Variants in PRKN observed in about 807,000 individuals in gnomAD.
PRKN encodes the protein parkin RBR E3 ubiquitin protein ligase, also known as E3 ubiquitin-protein ligase parkin.
In PRKN, 56 loss-of-function variants were observed where a neutral mutation model predicts 59.5. That is an observed-to-expected ratio of 0.94 (90% CI 0.76 to 1.18). PRKN has a LOEUF of 1.18. PRKN is among the 50% of genes most tolerant of loss of function. PRKN has a pLI of 0.00. For missense variants in PRKN, 657 were observed against 596.4 expected (o/e 1.10, Z -1.06); for synonymous variants, 250 against 222.1 (o/e 1.13, Z -1.12).
At chr6:161,821,903 C>T (rs1398815054) in intron 6 of PRKN, among the ~76,000 whole-genome samples, 1 of 151,806 alleles carries the variant, frequency 6.6e-6, no homozygotes, top group East Asian at 1.9e-4. Context: ...TGTGCATCAC[C>T]ATGCTCAGCT....
intron 9 of PRKN, among the ~76,000 whole-genome samples, chr6:161,539,511 T>A (rs1399993880): frequency 1.3e-5 from 2 of 151,026 alleles, no homozygotes; most frequent in Non-Finnish European, 3.0e-5. Flanking sequence ...TCCCTAAGTT[T>A]AACCTCAAAG....
chr6:162,661,845 C>T (rs1778894874), intron 1 of PRKN, among the ~76,000 whole-genome samples: 1 of 152,048 alleles, frequency 6.6e-6, no homozygotes, highest in Non-Finnish European at 1.5e-5. Context: ...TAAAATATAT[C>T]GAGGGGATAC....
intron 1 of PRKN, among the ~76,000 whole-genome samples, chr6:162,519,299 G>A (rs563245831): frequency 9.2e-5 from 14 of 152,274 alleles, no homozygotes; most frequent in East Asian, 7.7e-4. Context: ...AGATGCCAGC[G>A]AATTAAGGCT....
intron 9 of PRKN, among the ~76,000 whole-genome samples, chr6:161,403,403 C>A (rs1451083701): frequency 6.6e-6 from 1 of 152,108 alleles, no homozygotes; most frequent in Non-Finnish European, 1.5e-5. Context: ...TGATGAGAAC[C>A]AAATTTTCAA....
intron 2 of PRKN, among the ~76,000 whole-genome samples, chr6:162,316,320 G>C (rs940776531): frequency 6.6e-6 from 1 of 151,948 alleles, no homozygotes; most frequent in Non-Finnish European, 1.5e-5. Context: ...TGGCCAACAG[G>C]GTTGATTGAG....
At chr6:161,778,543 C>A (rs1247378211) in intron 7 of PRKN, among the ~76,000 whole-genome samples, 1 of 152,174 alleles carries the variant, frequency 6.6e-6, no homozygotes, top group East Asian at 1.9e-4. Context: ...CAAAACAATT[C>A]GCACAGGCAT....
intron 6 of PRKN, among the ~76,000 whole-genome samples, chr6:161,794,586 C>T (rs899087363): frequency 6.6e-6 from 1 of 152,172 alleles, no homozygotes; most frequent in African/African-American, 2.4e-5. Flanking sequence ...GGTTTTTCTT[C>T]TATCTTTTGG....
chr6:162,003,774 G>A (rs1782148981), intron 5 of PRKN, among the ~76,000 whole-genome samples: 1 of 152,106 alleles, frequency 6.6e-6, no homozygotes, highest in Non-Finnish European at 1.5e-5. Context: ...TAAAGAATAT[G>A]TATTCTGCTG....
At chr6:161,779,288 C>T (rs1157484332) in intron 7 of PRKN, among the ~76,000 whole-genome samples, 1 of 151,976 alleles carries the variant, frequency 6.6e-6, no homozygotes, top group Non-Finnish European at 1.5e-5. Flanking sequence ...ACCTTTAGCT[C>T]CACCACAGAA....
chr6:161,763,105 T>A (rs1346476837), intron 7 of PRKN, among the ~76,000 whole-genome samples: 2 of 152,180 alleles, frequency 1.3e-5, no homozygotes. Context: ...ACCTATAGCA[T>A]AGAAAACTTA....
chr6:161,470,762 T>C lies in PRKN; in HGVS notation c.1083+78092A>G, dbSNP rs73589753. 0.26 allele frequency among the ~76,000 whole-genome samples: 39,035 copies of C among 152,006 alleles called. 6,445 individuals are homozygous for C. The highest frequency in any genetic ancestry group is 0.47 in the African/African-American group (19,452 of 41,418). On this transcript the variant is annotated intron_variant, in intron 9 of 11. Coordinates refer to ENST00000366898, the MANE Select transcript of PRKN (RefSeq NM_004562.3). This position sits in a 1 kb window ranked among gnomAD's most constrained non-coding sequence, Gnocchi z 5.1. The stretch of plus-strand genomic sequence containing the variant: ...TCCTTCTGAGAGTGGACTGTTCCAG[T>C]GATGTGCCTACCCTGAGCCCGAAGG...
intron 1 of PRKN, among the ~76,000 whole-genome samples, chr6:162,521,917 T>C (rs1583718128): frequency 6.6e-6 from 1 of 152,142 alleles, no homozygotes; most frequent in Non-Finnish European, 1.5e-5. Context: ...TTATTTTGAC[T>C]CAGTATTATT....
At chr6:162,281,453 T>C (rs529918825) in intron 2 of PRKN, among the ~76,000 whole-genome samples, 1 of 152,236 alleles carries the variant, frequency 6.6e-6, no homozygotes, top group South Asian at 2.1e-4. Context: ...GCGGTATTAC[T>C]ACAAAATTTT....
chr6:162,696,410 G>A (rs1054482162), intron 1 of PRKN, among the ~76,000 whole-genome samples: 2 of 151,958 alleles, frequency 1.3e-5, no homozygotes, highest in Non-Finnish European at 2.9e-5. Flanking sequence ...AGAGGAGGTA[G>A]GTGTGTTCCT....
intron 1 of PRKN, among the ~76,000 whole-genome samples, chr6:162,712,831 T>C (rs868433728): frequency 6.6e-6 from 1 of 152,168 alleles, no homozygotes; most frequent in Non-Finnish European, 1.5e-5. Context: ...TATTAACATA[T>C]GAATGTAAAA....
At chr6:162,583,273 T>A (rs1209418130) in intron 1 of PRKN, among the ~76,000 whole-genome samples, 1 of 152,198 alleles carries the variant, frequency 6.6e-6, no homozygotes, top group African/African-American at 2.4e-5. Context: ...TGATATTCTG[T>A]TATAGCAGCA....
intron 4 of PRKN, among the ~76,000 whole-genome samples, chr6:162,119,334 C>T (rs1780810594): frequency 6.6e-6 from 1 of 152,184 alleles, no homozygotes; most frequent in Non-Finnish European, 1.5e-5. Flanking sequence ...AAGCTGCCAA[C>T]CTGTGTTTTG....
At chr6:161,907,790 AT>A (rs1162532441) in intron 6 of PRKN, among the ~76,000 whole-genome samples, 2 of 152,150 alleles carry the variant, frequency 1.3e-5, no homozygotes, top group African/African-American at 4.8e-5. Context: ...AACATAAAGA[AT>A]TTCCGGCGAG....
chr6:162,434,972 C>A (rs1174117008), intron 2 of PRKN, among the ~76,000 whole-genome samples: 1 of 152,224 alleles, frequency 6.6e-6, no homozygotes, highest in South Asian at 2.1e-4. Context: ...CACAACCTCT[C>A]ATTTCTTAAA....
Sources: allele counts gnomAD v4.1 joint callset (sites outside exome capture counted in the v4.1 genomes callset), GRCh38; gene constraint gnomAD v4.1.1; non-coding constraint Gnocchi (gnomAD v3.1); transcripts MANE v1.5; gene names NCBI Gene and HGNC (gene_info 2026-07-23, HGNC 2026-07-21).